The following PSD3 variants were observed in gnomAD, a reference collection of about 807,000 sequenced individuals.
PSD3 encodes the protein pleckstrin and Sec7 domain containing 3.
Under a neutral mutation model 105.5 loss-of-function variants are expected in PSD3, and 49 were observed. That is an observed-to-expected ratio of 0.46 (90% CI 0.37 to 0.59). PSD3 has a LOEUF of 0.59. Among genes scored for constraint, PSD3 ranks in the 20% least tolerant of loss-of-function variants. PSD3 has a pLI of 0.00. For synonymous variants in PSD3, 557 were observed against 457.8 expected (o/e 1.22, Z -2.77); for missense variants, 1,561 against 1,263.8 (o/e 1.24, Z -3.57).
chr8:18,935,325 C>T (rs1427695157), intron 2 of PSD3, among the ~76,000 whole-genome samples: 1 of 151,914 alleles, frequency 6.6e-6, no homozygotes, highest in Non-Finnish European at 1.5e-5. Context: ...GTAAAGACTG[C>T]AGTGGCTGAA....
intron 9 of PSD3, among the ~76,000 whole-genome samples, chr8:18,706,792 C>T (rs934987582): frequency 3.3e-5 from 5 of 152,342 alleles, no homozygotes; most frequent in African/African-American, 1.2e-4. Context: ...TTCCTTTGTC[C>T]TGATGCCACA....
At chr8:18,951,794 G>A (rs998185408) in intron 1 of PSD3, among the ~76,000 whole-genome samples, 7 of 151,954 alleles carry the variant, frequency 4.6e-5, no homozygotes, top group Non-Finnish European at 7.4e-5. Flanking sequence ...AGACCAACCT[G>A]CCAAACATGG....
At position 18,867,998 on chromosome 8, in the gene PSD3, G is replaced by C. The variant is rs1311010376; in HGVS notation, c.1310C>G (p.Ser437Cys). ...AAACTGGGAGCTGTACACGTCGGTG[G>C]AGTCCTCCGTATATCCAGGCCCAAG... ...DILGPGYTED[S>C]TDVYSSQFET... The change falls in exon 4 of 16, where the codon TCC (serine) becomes TGC (cysteine). Residue 437 changes from serine (S) to cysteine (C), a missense_variant. Coordinates refer to ENST00000327040, the MANE Select transcript of PSD3 (RefSeq NM_015310.4). The C allele has an allele frequency of 6.2e-7, 1 of 1,614,154 alleles. No homozygotes were observed. Among genetic ancestry groups the C allele is most frequent in the Admixed American group, 1.7e-5 (1 of 60,034 alleles).
intron 9 of PSD3, among the ~76,000 whole-genome samples, chr8:18,692,275 A>G (rs1443963649): frequency 6.6e-6 from 1 of 152,222 alleles, no homozygotes; most frequent in Non-Finnish European, 1.5e-5. Context: ...TAATCAATCA[A>G]TAAGTAATAA....
intron 1 of PSD3, among the ~76,000 whole-genome samples, chr8:19,032,592 A>G (rs1827806276): frequency 6.6e-6 from 1 of 150,822 alleles, no homozygotes; most frequent in Non-Finnish European, 1.5e-5. Context: ...CAAGGCTGCA[A>G]TGAACTGAGA....
At chr8:18,649,780 G>A (rs889014023) in intron 10 of PSD3, among the ~76,000 whole-genome samples, 2 of 152,172 alleles carry the variant, frequency 1.3e-5, no homozygotes, top group African/African-American at 2.4e-5. Flanking sequence ...CTTTGGTGCT[G>A]TTCTCATGGT....
chr8:18,968,601 G>A (rs752466912), intron 1 of PSD3, among the ~76,000 whole-genome samples: 4 of 152,212 alleles, frequency 2.6e-5, no homozygotes, highest in Admixed American at 1.3e-4. Flanking sequence ...CCTGGGCCAG[G>A]TGTGGTGGCT....
At chr8:18,729,898 C>T (rs1019262993) in intron 9 of PSD3, among the ~76,000 whole-genome samples, 1 of 152,164 alleles carries the variant, frequency 6.6e-6, no homozygotes, top group Non-Finnish European at 1.5e-5. Context: ...ATGCACTAAA[C>T]ATTTCTACCC....
chr8:19,005,214 C>A, intron 1 of PSD3, among the ~76,000 whole-genome samples: 1 of 151,858 alleles, frequency 6.6e-6, no homozygotes, highest in Middle Eastern at 3.5e-3. Flanking sequence ...AACTGATGAA[C>A]GGATAAATAA....
chr8:18,937,857 T>G (rs1375419942), intron 1 of PSD3, among the ~76,000 whole-genome samples: 2 of 152,132 alleles, frequency 1.3e-5, no homozygotes, highest in Non-Finnish European at 2.9e-5. Flanking sequence ...AACTAACGCC[T>G]GCAGAGATGA....
chr8:18,612,660 G>A (rs1157672552), intron 11 of PSD3, among the ~76,000 whole-genome samples: 1 of 152,144 alleles, frequency 6.6e-6, no homozygotes, highest in African/African-American at 2.4e-5. Context: ...ATGAGCCACC[G>A]CACACGGCCT....
intron 15 of PSD3, among the ~76,000 whole-genome samples, chr8:18,540,092 G>C (rs1480023212): frequency 6.6e-6 from 1 of 152,182 alleles, no homozygotes; most frequent in Non-Finnish European, 1.5e-5. Flanking sequence ...GTCTCTGTTA[G>C]TTTCCACTGC....
chr8:18,754,624 G>T (rs374388645), intron 9 of PSD3, among the ~76,000 whole-genome samples: 3 of 151,906 alleles, frequency 2.0e-5, no homozygotes, highest in African/African-American at 4.8e-5. Flanking sequence ...AACTAATTGT[G>T]GGTATTATTA....
chr8:19,034,994 T>C (rs1827894993), intron 1 of PSD3, among the ~76,000 whole-genome samples: 1 of 152,170 alleles, frequency 6.6e-6, no homozygotes, highest in African/African-American at 2.4e-5. Context: ...CTTCTAGAGA[T>C]GGATGCTCAG....
intron 1 of PSD3, among the ~76,000 whole-genome samples, chr8:18,967,155 T>C (rs931109725): frequency 8.7e-6 from 1 of 115,096 alleles, no homozygotes; most frequent in Non-Finnish European, 1.9e-5. Flanking sequence ...CTTTTTTCTT[T>C]ATTTATTTTT....
chr8:18,731,997 T>G (rs1304443591), intron 9 of PSD3, among the ~76,000 whole-genome samples: 1 of 152,164 alleles, frequency 6.6e-6, no homozygotes, highest in Non-Finnish European at 1.5e-5. Flanking sequence ...TAAGTCATCT[T>G]TTTTCCACTG....
chr8:19,068,954 A>G (rs1829165512), intron 1 of PSD3, among the ~76,000 whole-genome samples: 1 of 152,012 alleles, frequency 6.6e-6, no homozygotes, highest in Non-Finnish European at 1.5e-5. Context: ...ATGCCCTGTC[A>G]CTGTCTTTGG....
chr8:19,034,776 C>A (rs1247860399), intron 1 of PSD3, among the ~76,000 whole-genome samples: 1 of 152,162 alleles, frequency 6.6e-6, no homozygotes. Flanking sequence ...CCTGTAGCTT[C>A]CACACGTTCA....
chr8:18,932,267 C>A (rs1480498919), intron 2 of PSD3, among the ~76,000 whole-genome samples: 1 of 152,110 alleles, frequency 6.6e-6, no homozygotes, highest in East Asian at 1.9e-4. Flanking sequence ...AGGCTGGGAC[C>A]CAGGCTCTGC....
Sources: allele counts gnomAD v4.1 joint callset (sites outside exome capture counted in the v4.1 genomes callset), GRCh38; gene constraint gnomAD v4.1.1; transcripts MANE v1.5; gene names NCBI Gene and HGNC (gene_info 2026-07-23, HGNC 2026-07-21).